The following MYO10 variants were observed in gnomAD, a reference collection of about 807,000 sequenced individuals.
MYO10 encodes the protein unconventional myosin-X.
Under a neutral mutation model 257.3 loss-of-function variants are expected in MYO10, and 133 were observed. That is an observed-to-expected ratio of 0.52 (90% CI 0.45 to 0.60). The LOEUF is 0.60. MYO10 is among the 20% of genes least tolerant of loss of function. The pLI is 0.00. For missense variants in MYO10, 2,399 were observed against 2,635.7 expected (o/e 0.91, Z 1.97); for synonymous variants, 1,104 against 1,028.6 (o/e 1.07, Z -1.40).
chr5:16,869,356 T>C (rs375412415), intron 2 of MYO10, among the ~76,000 whole-genome samples: 7 of 151,462 alleles, frequency 4.6e-5, no homozygotes, highest in African/African-American at 1.7e-4. Flanking sequence ...TTTCAAAGAC[T>C]GAGTCAGGTC....
chr5:16,717,988 G>A (rs1190030256), intron 19 of MYO10, among the ~76,000 whole-genome samples: 1 of 152,216 alleles, frequency 6.6e-6, no homozygotes, highest in Non-Finnish European at 1.5e-5. Context: ...TGCGTGCAGC[G>A]CTTGCGGGCC....
At chr5:16,678,539 T>G (rs902454457) in intron 33 of MYO10, among the ~76,000 whole-genome samples, 1 of 152,136 alleles carries the variant, frequency 6.6e-6, no homozygotes, top group Non-Finnish European at 1.5e-5. Context: ...GAGATCGCAC[T>G]ACCGCACTCC....
chr5:16,673,848 G>A lies in MYO10; in HGVS notation c.5006C>T (p.Ala1669Val). 6.2e-7 allele frequency: 1 copy of A among 1,613,972 alleles called. No individual in the cohort carries two copies. ...CTTAAGAGATTCGTAAGTGAAGAGA[G>A]CGTATTTTTCCATCTCGCTTCCTGG... ...QFPGSEMEKY[A>V]LFTYESLKKT... Residue 1669 changes from alanine to valine, a missense_variant, in exon 36 of 41, where the codon GCT becomes GTT. By Grantham distance (64) the Ala-to-Val change is moderately conservative. Transcript: ENST00000513610.
At chr5:16,867,967 ACCAAACGGAATCC>A (rs1451052814) in intron 2 of MYO10, among the ~76,000 whole-genome samples, 1 of 152,206 alleles carries the variant, frequency 6.6e-6, no homozygotes, top group East Asian at 1.9e-4. Flanking sequence ...CAAACAGAAT[ACCAAACGGAATCC>A]CTGCACAGAG....
chr5:16,730,260 G>A (rs1739529459), intron 19 of MYO10, among the ~76,000 whole-genome samples: 1 of 152,120 alleles, frequency 6.6e-6, no homozygotes, highest in African/African-American at 2.4e-5. Flanking sequence ...TTAAATGTGG[G>A]GTTTTTACAT....
At chr5:16,793,671 T>G (rs1741839304) in intron 4 of MYO10, among the ~76,000 whole-genome samples, 2 of 152,188 alleles carry the variant, frequency 1.3e-5, no homozygotes, top group African/African-American at 4.8e-5. Context: ...GGCTCACGCC[T>G]GTAATCCCAG....
chr5:16,875,786 A>T (rs753519464), intron 2 of MYO10, among the ~76,000 whole-genome samples: 1 of 152,184 alleles, frequency 6.6e-6, no homozygotes, highest in Non-Finnish European at 1.5e-5. Context: ...ACTGGCCCTG[A>T]AGCTTTTATT....
intron 34 of MYO10, among the ~76,000 whole-genome samples, chr5:16,675,526 C>T (rs1484594628): frequency 6.6e-6 from 1 of 152,044 alleles, no homozygotes; most frequent in Non-Finnish European, 1.5e-5. Flanking sequence ...TCACTTCAGG[C>T]CAGGAGTTCA....
chr5:16,769,336 T>C, intron 9 of MYO10, 133 bp from the exon 10 acceptor site: 1 of 1,025,092 alleles, frequency 9.8e-7, no homozygotes, highest in Non-Finnish European at 1.3e-6. Flanking sequence ...GCATAACCAC[T>C]CACTTGTTTT....
At chr5:16,713,566 G>A in intron 19 of MYO10, 1 of 856,722 alleles carries the variant, frequency 1.2e-6, no homozygotes, top group Non-Finnish European at 1.4e-6. Context: ...GGGAGGGAGG[G>A]AGCAAGGAGC....
chr5:16,781,331 T>C (rs4560546), intron 6 of MYO10, among the ~76,000 whole-genome samples: 108,074 of 151,664 alleles, frequency 0.71, 39,679 homozygotes, highest in Non-Finnish European at 0.81. Context: ...CTGACCACCT[T>C]GGCCTCCCAC....
At chr5:16,778,762 C>T (rs1741310229) in intron 9 of MYO10, among the ~76,000 whole-genome samples, 2 of 147,414 alleles carry the variant, frequency 1.4e-5, no homozygotes, top group South Asian at 2.2e-4. Flanking sequence ...GCGATCTCGG[C>T]TCACTGCAAG....
At chr5:16,697,250 G>C (rs1228584532) in intron 26 of MYO10, among the ~76,000 whole-genome samples, 10 of 151,948 alleles carry the variant, frequency 6.6e-5, no homozygotes, top group Admixed American at 6.6e-4. Flanking sequence ...TTTTCTAAGA[G>C]GAGCAGGTGA....
Position 16,812,932 on chromosome 5 carries a change from T to TA in MYO10, c.279+5076_279+5077insT, listed in dbSNP as rs35233545. On this transcript the variant is annotated intron_variant, in intron 3 of 40. Coordinates refer to ENST00000513610, the MANE Select transcript of MYO10 (RefSeq NM_012334.3). ...GACTATTCTGGGTGCTTTTATTTTT[T>TA]TTTTTTTTTTATCACTTTCTACCCC... Among the ~76,000 whole-genome samples, 564 of 151,780 alleles carry TA rather than the reference T, an allele frequency of 3.7e-3. 3 individuals carry two copies. Among genetic ancestry groups the TA allele is most frequent in the African/African-American group, 0.011 (440 of 41,420 alleles).
intron 1 of MYO10, among the ~76,000 whole-genome samples, chr5:16,934,912 C>A (rs1383127000): frequency 1.3e-5 from 2 of 152,174 alleles, no homozygotes; most frequent in Non-Finnish European, 2.9e-5. Context: ...TGGCTTTCAA[C>A]GAAAATCACA....
At position 16,763,644 on chromosome 5, in the gene MYO10, T is replaced by C. The variant is rs1299812540; in HGVS notation, c.1427+11A>G. 9.4e-6 allele frequency: 15 copies of C among 1,593,944 alleles called. No individual in the cohort carries two copies. The highest frequency in any genetic ancestry group is 1.2e-5 in the Non-Finnish European group (14 of 1,162,600). The stretch of plus-strand genomic sequence containing the variant: ...AAAAAAAAATTGAAATGGAATTCTA[T>C]GAGTGCTTACCGGCTATATTCTAGT... On this transcript the variant is annotated intron_variant, in intron 13 of 40. Transcript: ENST00000513610.
At chr5:16,795,972 A>G (rs905998945) in intron 3 of MYO10, among the ~76,000 whole-genome samples, 2 of 151,902 alleles carry the variant, frequency 1.3e-5, no homozygotes, top group South Asian at 4.2e-4. Flanking sequence ...CGAGGATCTC[A>G]AGATCAGGAG....
rs778987452 is a variant in MYO10, at chr5:16,794,726, C to T, written c.387G>A (p.Leu129=). The T allele has an allele frequency of 5.0e-6, 8 of 1,613,336 alleles. No individual in the cohort carries two copies. The East Asian group carries it at 1.6e-4, about 31-fold the overall frequency. ...EQYSRRHLGE[L]PPHIFAIANE... ...TGGCGATGGCGAAGATGTGCGGGGG[C>T]AGCTCGCCCAGGTGGCGCCGGCTGT... The change falls in exon 4 of 41, where the codon CTG becomes CTA. Residue 129 remains leucine, a synonymous_variant. Transcript: ENST00000513610.
intron 2 of MYO10, among the ~76,000 whole-genome samples, chr5:16,821,261 C>A (rs1182603620): frequency 2.0e-5 from 3 of 148,714 alleles, no homozygotes; most frequent in East Asian, 4.1e-4. Context: ...CCTATGTGTA[C>A]CTCCTATGTG....
Sources: gnomAD v4.1 joint callset for allele counts (sites outside exome capture counted in the v4.1 genomes callset) on GRCh38, gnomAD v4.1.1 for gene constraint, MANE v1.5 for transcripts, NCBI Gene and HGNC (gene_info 2026-07-23, HGNC 2026-07-21) for gene names.